Variants in GLG1 observed in about 807,000 individuals in gnomAD.
GLG1 encodes the protein golgi glycoprotein 1, also known as Golgi apparatus protein 1.
A neutral mutation model predicts 160.5 loss-of-function variants in GLG1; 38 were observed. The ratio of observed to expected loss-of-function variants is 0.24; its 90% CI spans 0.18 to 0.31. The LOEUF (loss-of-function observed/expected upper bound fraction) is 0.31. Among genes scored for constraint, GLG1 ranks in the 10% least tolerant of loss-of-function variants. GLG1 has a pLI of 1.00. For synonymous variants in GLG1, 644 were observed against 543.4 expected (o/e 1.19, Z -2.57); for missense variants, 1,373 against 1,505.2 (o/e 0.91, Z 1.45).
chr16:74,565,195 A>G (rs899748504), intron 1 of GLG1, among the ~76,000 whole-genome samples: 1 of 152,096 alleles, frequency 6.6e-6, no homozygotes, highest in Non-Finnish European at 1.5e-5. Flanking sequence ...CAGGTGCAGT[A>G]GCACACGCCT....
chr16:74,540,584 TC>T (rs1264708586), intron 1 of GLG1, among the ~76,000 whole-genome samples: 1 of 151,616 alleles, frequency 6.6e-6, no homozygotes, highest in East Asian at 1.9e-4. Context: ...AGTTTTTAAG[TC>T]TGCTGGGACT....
intron 1 of GLG1, among the ~76,000 whole-genome samples, chr16:74,549,877 G>A (rs1196062839): frequency 6.6e-6 from 1 of 152,016 alleles, no homozygotes; most frequent in Non-Finnish European, 1.5e-5. Flanking sequence ...ACTGTAGGAG[G>A]CTAAGGCAGG....
At chr16:74,463,055 C>T in intron 20 of GLG1, 1 of 458,938 alleles carries the variant, frequency 2.2e-6, no homozygotes, top group Non-Finnish European at 3.8e-6. Flanking sequence ...CGTACATTCT[C>T]CTGGCACACT....
chr16:74,450,869 T>C lies in GLG1; in HGVS notation c.*2298A>G, dbSNP rs557857933. On this transcript the variant is annotated 3_prime_UTR_variant, in exon 26 of 26. Transcript: ENST00000422840. ...TCTCAAAAAAAAAAAAAAAGACAGA[T>C]GTTTCAAGAACCAAATTCCTCATCA... is the stretch of plus-strand genomic sequence containing the variant. 1 of 147,946 alleles carries C rather than the reference T, an allele frequency of 6.8e-6. No homozygotes were observed. The highest frequency in any genetic ancestry group is 1.5e-5 in the Non-Finnish European group (1 of 67,224). The allele number at this position is 147,946 out of a possible 1,614,324, so 9.2% of individuals were successfully genotyped here.
intron 1 of GLG1, among the ~76,000 whole-genome samples, chr16:74,535,218 AAAAATATC>A (rs2017656637): frequency 6.6e-6 from 1 of 152,244 alleles, no homozygotes; most frequent in Non-Finnish European, 1.5e-5. Flanking sequence ...CAAATAAAAT[AAAAATATC>A]AAAGCCTTTA....
intron 18 of GLG1, among the ~76,000 whole-genome samples, 159 bp downstream of exon 18, chr16:74,467,597 T>A (rs1233807059): frequency 6.6e-6 from 1 of 152,018 alleles, no homozygotes; most frequent in African/African-American, 2.4e-5. Flanking sequence ...CCTGATGTAG[T>A]TTAAGAAGGG....
intron 1 of GLG1, among the ~76,000 whole-genome samples, chr16:74,554,891 G>A (rs1002816122): frequency 5.3e-5 from 8 of 152,176 alleles, no homozygotes; most frequent in South Asian, 2.1e-4. Flanking sequence ...TGGCATGCAC[G>A]TATAGTCCCA....
chr16:74,523,532 AT>A (rs2017239247), intron 2 of GLG1, among the ~76,000 whole-genome samples: 2 of 152,198 alleles, frequency 1.3e-5, no homozygotes, highest in African/African-American at 2.4e-5. Flanking sequence ...GAGCATTCAC[AT>A]TTTTTATAAC....
intron 4 of GLG1, among the ~76,000 whole-genome samples, chr16:74,500,337 T>A (rs1439578073): frequency 1.3e-5 from 2 of 152,184 alleles, no homozygotes; most frequent in Non-Finnish European, 2.9e-5. Context: ...AATAATTTTT[T>A]GTTAACTTTA....
chr16:74,595,300 G>A (rs1432811221), intron 1 of GLG1, among the ~76,000 whole-genome samples: 3 of 151,952 alleles, frequency 2.0e-5, no homozygotes, highest in Non-Finnish European at 4.4e-5. Context: ...CACTTTGGGA[G>A]GCCGAGGCAG....
Position 74,472,417 on chromosome 16 carries a change from G to A in GLG1, c.2053-6C>T. The A allele has an allele frequency of 6.3e-7, 1 of 1,596,120 alleles. No homozygotes were observed. The highest frequency in any genetic ancestry group is 8.6e-7 in the Non-Finnish European group (1 of 1,164,136). ...AAGGCTTCTATTTGAATATCCTGTA[G>A]AAAATTAAATATATTAATACTTCTG... On this transcript the variant is annotated splice_polypyrimidine_tract_variant and splice_region_variant and intron_variant, in intron 13 of 25. Transcript: ENST00000422840.
rs2014877522 is a variant in GLG1 at position 74,463,394 on chromosome 16, T to C, written c.2753A>G (p.Lys918Arg). 3 of 1,614,024 alleles carry C rather than the reference T, an allele frequency of 1.9e-6. No homozygotes were observed. The highest frequency in any genetic ancestry group is 4.5e-5 in the East Asian group (2 of 44,892). Residue 918 changes from lysine (K) to arginine (R), a missense_variant, in exon 20 of 26, where the codon AAA becomes AGA. Coordinates refer to ENST00000422840, the MANE Select transcript of GLG1 (RefSeq NM_001145667.2). ...GATCTGGCGCTTGGTTATCATCTGT[T>C]TGCATTTGGGATCCATCAATTCACT... ...KNSELMDPKC[K>R]QMITKRQITQ...
At chr16:74,465,596 C>T in intron 19 of GLG1, 80 bp downstream of exon 19, 1 of 1,419,080 alleles carries the variant, frequency 7.0e-7, no homozygotes, top group South Asian at 1.2e-5. Flanking sequence ...GAAAGCTGAG[C>T]CTGAGGAAGT....
chr16:74,556,904 T>C (rs930975135), intron 1 of GLG1, among the ~76,000 whole-genome samples: 5 of 151,918 alleles, frequency 3.3e-5, no homozygotes, highest in Non-Finnish European at 7.4e-5. Flanking sequence ...ACAACTCTAA[T>C]AATATAGCTT....
intron 1 of GLG1, among the ~76,000 whole-genome samples, chr16:74,589,993 A>C (rs1217476990): frequency 1.1e-5 from 1 of 88,642 alleles, no homozygotes; most frequent in Non-Finnish European, 2.1e-5. Context: ...TTGAAACTTC[A>C]CTTTTGTTGT....
chr16:74,528,293 G>A (rs1046927659), intron 2 of GLG1, among the ~76,000 whole-genome samples: 18 of 151,950 alleles, frequency 1.2e-4, no homozygotes, highest in Non-Finnish European at 2.2e-4. Flanking sequence ...GAGCCACGGT[G>A]CCTGGCCTAT....
In GLG1 at chr16:74,546,303, G is replaced by C. The variant is rs2018044274; in HGVS notation, c.439-14150C>G. ...AAAATACAAAAGTTAGCCAGGTGTGGTGGCATGTGCCTGTAGTCCCAGCTC... is the reference window on the plus strand; with the variant it reads ...AAAATACAAAAGTTAGCCAGGTGTGCTGGCATGTGCCTGTAGTCCCAGCTC... On this transcript the variant is annotated intron_variant, in intron 1 of 25. Transcript: ENST00000422840. Among the ~76,000 whole-genome samples the C allele has an allele frequency of 5.3e-5, 8 of 152,274 alleles. No homozygotes were observed. In the South Asian group the frequency reaches 1.7e-3, roughly 32 times the overall value.
At chr16:74,520,984 G>A (rs149514684) in intron 2 of GLG1, among the ~76,000 whole-genome samples, 3 of 152,298 alleles carry the variant, frequency 2.0e-5, no homozygotes, top group Non-Finnish European at 4.4e-5. Context: ...TCAAGTAAAT[G>A]TGTCAGGTGA....
At chr16:74,600,412 G>A (rs1486959108) in intron 1 of GLG1, among the ~76,000 whole-genome samples, 1 of 151,684 alleles carries the variant, frequency 6.6e-6, no homozygotes, top group African/African-American at 2.4e-5. Context: ...AAAGAACAAG[G>A]ACAAAGCTAA....
Sources: gnomAD v4.1 joint callset for allele counts (sites outside exome capture counted in the v4.1 genomes callset) on GRCh38, gnomAD v4.1.1 for gene constraint, MANE v1.5 for transcripts, NCBI Gene and HGNC (gene_info 2026-07-23, HGNC 2026-07-21) for gene names.